The following ERICH6 variants were observed in gnomAD, a reference collection of about 807,000 sequenced individuals.
ERICH6 encodes glutamate-rich protein 6.
In ERICH6, 71 loss-of-function variants were observed where a neutral mutation model predicts 71.0. The ratio of observed to expected loss-of-function variants is 1.00; its 90% CI spans 0.83 to 1.22. The LOEUF (loss-of-function observed/expected upper bound fraction) is 1.22. ERICH6 is among the 50% of genes most tolerant of loss of function. The pLI is 0.00. For missense variants in ERICH6, 808 were observed against 797.2 expected (o/e 1.01, Z -0.16); for synonymous variants, 262 against 278.4 (o/e 0.94, Z 0.59).
chr3:150,702,977 AG>A (rs1166640271), intron 1 of ERICH6, among the ~76,000 whole-genome samples: 4 of 52,994 alleles, frequency 7.5e-5, no homozygotes, highest in African/African-American at 3.1e-4. Context: ...GGGGAGGAAG[AG>A]GGAGGGGAGG....
intron 3 of ERICH6, among the ~76,000 whole-genome samples, chr3:150,694,492 T>C (rs554080974): frequency 3.5e-4 from 53 of 152,308 alleles, no homozygotes; most frequent in Admixed American, 5.9e-4. Context: ...TTTTATCTTA[T>C]TTAAAGTGCT....
At chr3:150,661,708 T>C (rs1448193423) in intron 13 of ERICH6, among the ~76,000 whole-genome samples, 2 of 152,146 alleles carry the variant, frequency 1.3e-5, no homozygotes, top group Non-Finnish European at 2.9e-5. Flanking sequence ...CATTAAAATA[T>C]AGTGTATTAA....
intron 2 of ERICH6, among the ~76,000 whole-genome samples, chr3:150,700,046 G>A (rs1383323966): frequency 1.3e-5 from 2 of 151,870 alleles, no homozygotes; most frequent in African/African-American, 4.8e-5. Context: ...GCTACTAGGA[G>A]GCAAAGAAGC....
chr3:150,688,296 C>T (rs1483715408), intron 3 of ERICH6, among the ~76,000 whole-genome samples: 1 of 151,998 alleles, frequency 6.6e-6, no homozygotes, highest in Non-Finnish European at 1.5e-5. Context: ...TTTATTAATA[C>T]ATTATTTGTT....
At chr3:150,703,222 TCTAAAAAAAAAAAAGCA>T (rs1447208652) in intron 1 of ERICH6, among the ~76,000 whole-genome samples, 3 of 150,486 alleles carry the variant, frequency 2.0e-5, no homozygotes, top group Non-Finnish European at 4.4e-5. Context: ...GAGACTCTTG[TCTAAAAAAAAAAAAGCA>T]CTTCATACAG....
At chr3:150,669,223 AT>A (rs1217216660) in intron 12 of ERICH6, 72 bp downstream of exon 12, 4 of 1,453,628 alleles carry the variant, frequency 2.8e-6, no homozygotes, top group Non-Finnish European at 3.7e-6. Context: ...CATTCTTATC[AT>A]TTAAAAAGAA....
intron 8 of ERICH6, 61 bp downstream of exon 8, chr3:150,680,712 A>C: frequency 1.9e-6 from 3 of 1,563,022 alleles, no homozygotes; most frequent in Non-Finnish European, 2.6e-6. Context: ...AGGTTCATTT[A>C]CAAAACGAGC....
At chr3:150,683,930 C>T (rs79232917) in intron 6 of ERICH6, among the ~76,000 whole-genome samples, 5,091 of 152,284 alleles carry the variant, frequency 0.033, 315 homozygotes, top group African/African-American at 0.12. Context: ...GAGGAGCCAG[C>T]CTCGTCCAAG....
chr3:150,671,672 G>A (rs765790800), intron 11 of ERICH6, among the ~76,000 whole-genome samples: 7 of 152,102 alleles, frequency 4.6e-5, no homozygotes, highest in Non-Finnish European at 1.0e-4. Flanking sequence ...TGTTGCCCAG[G>A]TCAGAGTGCA....
chr3:150,681,804 ACT>A (rs1711956436), intron 7 of ERICH6, among the ~76,000 whole-genome samples: 1 of 126,010 alleles, frequency 7.9e-6, no homozygotes, highest in Admixed American at 9.8e-5. Flanking sequence ...CTAACACATA[ACT>A]CTTTTTTTTT....
chr3:150,698,997 T>G (rs1712759545), intron 2 of ERICH6, 115 bp from the exon 3 acceptor site: 4 of 680,474 alleles, frequency 5.9e-6, no homozygotes, highest in Non-Finnish European at 1.0e-5. Context: ...TTTTGTTTTC[T>G]TTGAAATATT....
At chr3:150,670,497 A>G (rs1411390908) in intron 11 of ERICH6, among the ~76,000 whole-genome samples, 2 of 151,730 alleles carry the variant, frequency 1.3e-5, no homozygotes, top group African/African-American at 2.4e-5. Context: ...AAAAAAAAAA[A>G]AAAAAGTTCT....
At chr3:150,678,307 A>G (rs1365251094) in intron 10 of ERICH6, 102 bp downstream of exon 10, 4 of 1,105,218 alleles carry the variant, frequency 3.6e-6, no homozygotes, top group Middle Eastern at 2.1e-4. Flanking sequence ...TTTGACAACT[A>G]GTTAAATGCA....
intron 3 of ERICH6, among the ~76,000 whole-genome samples, chr3:150,698,513 C>A (rs116519046): frequency 3.3e-5 from 5 of 152,224 alleles, no homozygotes; most frequent in Non-Finnish European, 7.4e-5. Flanking sequence ...AATATAATGG[C>A]AGATTATTTC....
chr3:150,683,547 T>C (rs1225893730), intron 6 of ERICH6, among the ~76,000 whole-genome samples: 2 of 152,084 alleles, frequency 1.3e-5, no homozygotes, highest in African/African-American at 4.8e-5. Flanking sequence ...GCCGATCACC[T>C]GAGGTCAGGA....
At chr3:150,692,864 C>T (rs533090931) in intron 3 of ERICH6, among the ~76,000 whole-genome samples, 64 of 152,002 alleles carry the variant, frequency 4.2e-4, no homozygotes, top group Non-Finnish European at 8.4e-4. Context: ...CAGGTGTTCT[C>T]AAATGCAGGT....
intron 9 of ERICH6, among the ~76,000 whole-genome samples, chr3:150,679,419 T>G (rs1247687607): frequency 6.6e-6 from 1 of 152,094 alleles, no homozygotes; most frequent in Admixed American, 6.6e-5. Flanking sequence ...TTCTTATGCT[T>G]TTGCGTCCTC....
At chr3:150,670,690 TA>T (rs1431464406) in intron 11 of ERICH6, among the ~76,000 whole-genome samples, 1 of 152,164 alleles carries the variant, frequency 6.6e-6, no homozygotes, top group Admixed American at 6.5e-5. Context: ...AAGATCAATA[TA>T]CAAAAATAAA....
At chr3:150,666,209 G>A (rs1439822348) in intron 13 of ERICH6, among the ~76,000 whole-genome samples, 2 of 152,224 alleles carry the variant, frequency 1.3e-5, no homozygotes, top group African/African-American at 4.8e-5. Context: ...TGTGCCCTGG[G>A]AGAGGCACTG....
Sources: allele counts gnomAD v4.1 joint callset (sites outside exome capture counted in the v4.1 genomes callset), GRCh38; gene constraint gnomAD v4.1.1; transcripts MANE v1.5; gene names NCBI Gene and HGNC (gene_info 2026-07-23, HGNC 2026-07-21).